The following UACA variants were observed in gnomAD, a reference collection of about 807,000 sequenced individuals.
The protein encoded by UACA is uveal autoantigen with coiled-coil domains and ankyrin repeats.
In UACA, 112 loss-of-function variants were observed where a neutral mutation model predicts 160.5. The ratio of observed to expected loss-of-function variants is 0.70; its 90% CI spans 0.60 to 0.82. The LOEUF (loss-of-function observed/expected upper bound fraction) is 0.82, where lower values mean the gene tolerates loss of function less well. Ranked by LOEUF, UACA falls within the 40% of genes least tolerant of loss-of-function variation. The pLI, the probability that UACA is intolerant of heterozygous loss-of-function variation, is 0.00. For missense variants in UACA, 1,574 were observed against 1,614.6 expected, an observed-to-expected ratio of 0.97 and a Z score of 0.43; for synonymous variants, 557 against 568.4, an observed-to-expected ratio of 0.98 and a Z score of 0.29.
At chr15:70,719,302 A>G (rs1898921456) in intron 1 of UACA, among the ~76,000 whole-genome samples, 1 of 152,234 alleles carries the variant, frequency 6.6e-6, no homozygotes, top group Non-Finnish European at 1.5e-5. Context: ...ACATAAACCC[A>G]GGGCAAAGAC....
At chr15:70,770,143 G>A in the UACA span, among the ~76,000 whole-genome samples, 1 of 152,120 alleles carries the variant, frequency 6.6e-6, no homozygotes, top group Non-Finnish European at 1.5e-5. Flanking sequence ...TTTCTGGAAG[G>A]AAATAGTTCA....
At chr15:70,774,453 G>C in the UACA span, among the ~76,000 whole-genome samples, 71 of 151,684 alleles carry the variant, frequency 4.7e-4, no homozygotes, top group African/African-American at 1.7e-3. Flanking sequence ...GGCTGAGGCA[G>C]GAGAATGGCG....
chr15:70,749,842 C>T (rs1269392496), intron 1 of UACA, among the ~76,000 whole-genome samples: 1 of 151,932 alleles, frequency 6.6e-6, no homozygotes, highest in Non-Finnish European at 1.5e-5. Flanking sequence ...AGCTATTCAC[C>T]CGAACTGAAT....
At chr15:70,703,183 T>C (rs1324797775) in intron 1 of UACA, 16 of 1,282,522 alleles carry the variant, frequency 1.2e-5, no homozygotes, top group South Asian at 4.9e-5. Context: ...GTGGTGGCTG[T>C]TGTTGTTGTT....
chr15:70,761,738 T>C lies in UACA; in HGVS notation c.78+1592A>G, dbSNP rs1223387916. ...ATTTTGAGAAAAATAGAACGCTCAA[T>C]TGAGTGCTAAAGATTTAAGCTCAGA... On this transcript the variant is annotated intron_variant, in intron 1 of 18. Transcript: ENST00000322954. 2.6e-5 allele frequency among the ~76,000 whole-genome samples: 4 copies of C among 152,276 alleles called. No individual in the cohort carries two copies. In the East Asian group the frequency reaches 5.8e-4, roughly 22 times the overall value.
intron 13 of UACA, among the ~76,000 whole-genome samples, chr15:70,672,239 A>G (rs1897162919): frequency 6.6e-6 from 1 of 152,202 alleles, no homozygotes. Context: ...AAGTGTTTTA[A>G]GAAAAAACTT....
rs547925282 is a variant in UACA, at chr15:70,757,061, A to G, written c.78+6269T>C. ...GGATCTAAATAAAGTCCATCACGGC[A>G]ATTGGCTAGTATGCATTTTAATCTC... On this transcript the variant is annotated intron_variant, in intron 1 of 18. Transcript: ENST00000322954. Among the ~76,000 whole-genome samples, 74 of 152,324 alleles carry G rather than the reference A, an allele frequency of 4.9e-4. 1 individual carries two copies. Among genetic ancestry groups the G allele is most frequent in the African/African-American group, 1.7e-3 (72 of 41,570 alleles).
intron 1 of UACA, among the ~76,000 whole-genome samples, chr15:70,752,949 C>A (rs888026031): frequency 6.6e-6 from 1 of 152,104 alleles, no homozygotes; most frequent in Non-Finnish European, 1.5e-5. Flanking sequence ...GGCTTTTATA[C>A]GACAAGTTAC....
chr15:70,690,781 T>C (rs1284881938), intron 4 of UACA, among the ~76,000 whole-genome samples: 2 of 152,138 alleles, frequency 1.3e-5, no homozygotes, highest in East Asian at 3.8e-4. Context: ...TTTGGGGTTT[T>C]TTTTTCCACC....
At chr15:70,666,561 T>A (rs1896912241) in intron 16 of UACA, among the ~76,000 whole-genome samples, 163 bp downstream of exon 16, 1 of 152,220 alleles carries the variant, frequency 6.6e-6, no homozygotes, top group South Asian at 2.1e-4. Context: ...GACTTTTGTG[T>A]TACTTCACTT....
upstream of UACA, among the ~76,000 whole-genome samples, chr15:70,764,058 C>T (rs2030939204): frequency 6.6e-6 from 1 of 152,188 alleles, no homozygotes; most frequent in South Asian, 2.1e-4. Flanking sequence ...CAGAAATAAA[C>T]AGTCTCTAAG....
intron 7 of UACA, among the ~76,000 whole-genome samples, chr15:70,686,536 C>T (rs530389984): frequency 2.5e-4 from 33 of 134,482 alleles, no homozygotes; most frequent in African/African-American, 8.9e-4. Flanking sequence ...TACATGTGCA[C>T]AATGTGCAGG....
At chr15:70,724,982 C>T (rs1385766406) in intron 1 of UACA, among the ~76,000 whole-genome samples, 4 of 151,390 alleles carry the variant, frequency 2.6e-5, no homozygotes, top group African/African-American at 9.7e-5. Flanking sequence ...GTCCTAGCTA[C>T]ACCAGAGGCT....
At chr15:70,728,631 C>T (rs571330494) in intron 1 of UACA, among the ~76,000 whole-genome samples, 34 of 150,544 alleles carry the variant, frequency 2.3e-4, no homozygotes, top group African/African-American at 7.8e-4. Flanking sequence ...AAATCAGCCT[C>T]GGCAAAACAT....
chr15:70,764,789 TC>T (rs2030963153), upstream of UACA, among the ~76,000 whole-genome samples: 1 of 152,154 alleles, frequency 6.6e-6, no homozygotes, highest in African/African-American at 2.4e-5. Context: ...CTTTGATTCC[TC>T]CCCCTTCCTC....
At chr15:70,659,391 G>GTTT (rs1375150038) in intron 18 of UACA, among the ~76,000 whole-genome samples, 36 of 9,952 alleles carry the variant, frequency 3.6e-3, no homozygotes, top group African/African-American at 4.4e-3. Flanking sequence ...TTCATTTTTT[G>GTTT]TTTGTTTTTT....
chr15:70,761,863 C>T (rs1301589017), intron 1 of UACA, among the ~76,000 whole-genome samples: 1 of 152,110 alleles, frequency 6.6e-6, no homozygotes, highest in African/African-American at 2.4e-5. Flanking sequence ...AAAATTAAGG[C>T]ATATAAACCT....
chr15:70,775,831 G>T, the UACA span, among the ~76,000 whole-genome samples: 5 of 152,160 alleles, frequency 3.3e-5, no homozygotes, highest in African/African-American at 9.7e-5. Context: ...TGATTTATTT[G>T]ATAAGTGACT....
At chr15:70,753,364 C>T (rs2030208900) in intron 1 of UACA, among the ~76,000 whole-genome samples, 1 of 152,170 alleles carries the variant, frequency 6.6e-6, no homozygotes, top group Non-Finnish European at 1.5e-5. Flanking sequence ...AACAATTCCA[C>T]ATATCTCTGG....
Sources: gnomAD v4.1 joint callset for allele counts (sites outside exome capture counted in the v4.1 genomes callset) on GRCh38, gnomAD v4.1.1 for gene constraint, MANE v1.5 for transcripts, NCBI Gene and HGNC (gene_info 2026-07-23, HGNC 2026-07-21) for gene names.